Variants in NCAM1 observed in about 807,000 individuals in gnomAD.
The protein encoded by NCAM1 is antigen recognized by monoclonal antibody 5.1H11.
In NCAM1, 14 loss-of-function variants were observed where a neutral mutation model predicts 109.8. The ratio of observed to expected loss-of-function variants is 0.13; its 90% CI spans 0.08 to 0.20. The LOEUF is 0.20. NCAM1 is among the 10% of genes least tolerant of loss of function. The pLI, the probability that NCAM1 is intolerant of heterozygous loss-of-function variation, is 1.00. For missense variants in NCAM1, 774 were observed against 1,109.9 expected (o/e 0.70, Z 4.30); for synonymous variants, 418 against 442.9 (o/e 0.94, Z 0.70).
At chr11:112,999,863 T>C (rs1951696018) in intron 1 of NCAM1, among the ~76,000 whole-genome samples, 1 of 152,236 alleles carries the variant, frequency 6.6e-6, no homozygotes, top group African/African-American at 2.4e-5. Context: ...TTGTCATTGC[T>C]CACTGTGAGA....
At position 113,181,235 on chromosome 11, in the gene NCAM1, G is replaced by T. The variant is rs1489626307; in HGVS notation, c.53-21144G>T. On this transcript the variant is annotated intron_variant, in intron 1 of 19. Transcript: ENST00000316851. ...GGGAGAGCCCTGGGCAGCCTCTCGG[G>T]CCCTGCCAGCCCTGTGGTTCCAAGC... Among the ~76,000 whole-genome samples the T allele has an allele frequency of 7.2e-5, 11 of 152,150 alleles. No homozygotes were observed. The East Asian group carries it at 2.1e-3, about 29-fold the overall frequency.
chr11:113,094,587 C>T (rs1210999033), intron 1 of NCAM1, among the ~76,000 whole-genome samples: 4 of 152,192 alleles, frequency 2.6e-5, no homozygotes, highest in African/African-American at 9.7e-5. Context: ...TTATTGAGGC[C>T]CATGTCTGGG....
At chr11:113,145,573 T>G (rs1218956150) in intron 1 of NCAM1, among the ~76,000 whole-genome samples, 2 of 152,324 alleles carry the variant, frequency 1.3e-5, no homozygotes, top group Admixed American at 1.3e-4. Context: ...ATTGGCTCTC[T>G]CCTCTTCTTT....
chr11:113,025,455 ATC>A (rs1952508168), intron 1 of NCAM1, among the ~76,000 whole-genome samples: 1 of 152,144 alleles, frequency 6.6e-6, no homozygotes, highest in Non-Finnish European at 1.5e-5. Context: ...GTTCTCATAG[ATC>A]TGTTATTCTG....
At chr11:113,077,822 G>T (rs1049435076) in intron 1 of NCAM1, among the ~76,000 whole-genome samples, 17 of 151,968 alleles carry the variant, frequency 1.1e-4, no homozygotes, top group African/African-American at 4.1e-4. Context: ...GAGTAGCTGG[G>T]ATTACAGGCT....
chr11:113,264,696 C>A (rs1946097907), intron 17 of NCAM1: 1 of 985,326 alleles, frequency 1.0e-6, no homozygotes, highest in Non-Finnish European at 1.2e-6. Context: ...TCTGAAGGGA[C>A]CCTTTGGAGA....
intron 1 of NCAM1, among the ~76,000 whole-genome samples, chr11:113,028,021 T>C (rs1952603452): frequency 6.6e-6 from 1 of 152,150 alleles, no homozygotes; most frequent in Non-Finnish European, 1.5e-5. Flanking sequence ...GAGAATAGAA[T>C]AGCGGTTACC....
Position 113,256,350 on chromosome 11 carries a change from A to G in NCAM1, c.1953+349A>G, listed in dbSNP as rs572215174. Among the ~76,000 whole-genome samples the G allele has an allele frequency of 2.8e-4, 42 of 152,338 alleles. No homozygotes were observed. The South Asian group carries it at 8.3e-3, about 30-fold the overall frequency. Reference sequence around the variant, plus strand: ...TAATATATAAGAATCCCTACCTTGGATAACATGTGTATTGTAGGCCAGGCA... The same window carrying G: ...TAATATATAAGAATCCCTACCTTGGGTAACATGTGTATTGTAGGCCAGGCA... On this transcript the variant is annotated intron_variant, in intron 16 of 19. Transcript: ENST00000316851.
chr11:113,058,202 T>G (rs1953782997), intron 1 of NCAM1, among the ~76,000 whole-genome samples: 1 of 152,026 alleles, frequency 6.6e-6, no homozygotes, highest in Non-Finnish European at 1.5e-5. Flanking sequence ...GAGAATCACT[T>G]GAATCTGGGA....
At chr11:113,189,295 C>T (rs1401624192) in intron 1 of NCAM1, among the ~76,000 whole-genome samples, 1 of 151,702 alleles carries the variant, frequency 6.6e-6, no homozygotes, top group Non-Finnish European at 1.5e-5. Context: ...ACTAAAAATG[C>T]AAAAATTAGC....
intron 1 of NCAM1, among the ~76,000 whole-genome samples, chr11:113,112,491 G>C (rs1940489034): frequency 6.6e-6 from 1 of 152,188 alleles, no homozygotes; most frequent in African/African-American, 2.4e-5. Flanking sequence ...CTGCCAGACA[G>C]AACACTTGAT....
At chr11:112,984,959 T>C (rs1192902920) in intron 1 of NCAM1, among the ~76,000 whole-genome samples, 1 of 148,310 alleles carries the variant, frequency 6.7e-6, no homozygotes, top group South Asian at 2.2e-4. Flanking sequence ...ATTTTTTTTT[T>C]AATCATTGCC....
rs1054472335 is a variant in NCAM1 at position 113,177,388 on chromosome 11, A to T, written c.53-24991A>T. On this transcript the variant is annotated intron_variant, in intron 1 of 19. Coordinates refer to ENST00000316851, the MANE Select transcript of NCAM1 (RefSeq NM_181351.5). ...GGATTTGTTTTCGCCAAAAAAAACCACTATTAAAAGTTACCTAGGAAAGAC... is the reference window on the plus strand; with the variant it reads ...GGATTTGTTTTCGCCAAAAAAAACCTCTATTAAAAGTTACCTAGGAAAGAC... 4.6e-5 allele frequency among the ~76,000 whole-genome samples: 7 copies of T among 152,142 alleles called. No individual in the cohort carries two copies. The East Asian group carries it at 1.4e-3, about 29-fold the overall frequency.
chr11:112,987,582 A>G (rs555643860), intron 1 of NCAM1, among the ~76,000 whole-genome samples: 1 of 152,110 alleles, frequency 6.6e-6, no homozygotes, highest in Non-Finnish European at 1.5e-5. Flanking sequence ...TGGTGGGTGC[A>G]TATATATTTA....
At chr11:113,121,673 G>A (rs1555096090) in intron 1 of NCAM1, among the ~76,000 whole-genome samples, 1 of 152,002 alleles carries the variant, frequency 6.6e-6, no homozygotes, top group Non-Finnish European at 1.5e-5. Flanking sequence ...ACACTCCAGA[G>A]GCTCCTTCTT....
At chr11:113,123,432 A>C (rs1438489604) in intron 1 of NCAM1, among the ~76,000 whole-genome samples, 1 of 152,136 alleles carries the variant, frequency 6.6e-6, no homozygotes, top group South Asian at 2.1e-4. Context: ...CTTGCCTTGG[A>C]AAAGGGTAAA....
At chr11:113,205,363 A>T (rs910859323) in intron 3 of NCAM1, among the ~76,000 whole-genome samples, 160 bp from the exon 4 acceptor site, 4 of 152,196 alleles carry the variant, frequency 2.6e-5, no homozygotes, top group Non-Finnish European at 5.9e-5. Context: ...TGCTTGGGCC[A>T]GCTGCTCTGC....
intron 1 of NCAM1, among the ~76,000 whole-genome samples, chr11:113,158,643 A>T (rs1942498954): frequency 6.6e-6 from 1 of 152,028 alleles, no homozygotes; most frequent in Admixed American, 6.6e-5. Flanking sequence ...CTATCTCCTT[A>T]AGTTGTGGTT....
intron 15 of NCAM1, among the ~76,000 whole-genome samples, chr11:113,250,026 T>C (rs1945622694): frequency 1.3e-5 from 2 of 152,130 alleles, no homozygotes; most frequent in South Asian, 2.1e-4. Flanking sequence ...ATCCCGAGGC[T>C]CCCTGGAGCT....
Sources: allele counts gnomAD v4.1 joint callset (sites outside exome capture counted in the v4.1 genomes callset), GRCh38; gene constraint gnomAD v4.1.1; transcripts MANE v1.5; gene names NCBI Gene and HGNC (gene_info 2026-07-23, HGNC 2026-07-21).